The following DPP10 variants were observed in gnomAD, a reference collection of about 807,000 sequenced individuals.
The protein encoded by DPP10 is dipeptidyl peptidase like 10, also known as inactive dipeptidyl peptidase 10.
In DPP10, 33 loss-of-function variants were observed where a neutral mutation model predicts 120.9. The ratio of observed to expected loss-of-function variants is 0.27; its 90% CI spans 0.21 to 0.37. The LOEUF (loss-of-function observed/expected upper bound fraction) is 0.37, where lower values mean the gene tolerates loss of function less well. Ranked by LOEUF, DPP10 falls within the 10% of genes least tolerant of loss-of-function variation. The pLI is 1.00. For synonymous variants in DPP10, 337 were observed against 326.1 expected (o/e 1.03, Z -0.36); for missense variants, 816 against 942.8 (o/e 0.87, Z 1.76).
At chr2:115,166,932 G>A (rs2052919791) in intron 1 of DPP10, among the ~76,000 whole-genome samples, 1 of 152,114 alleles carries the variant, frequency 6.6e-6, no homozygotes, top group Admixed American at 6.6e-5. Context: ...GTGACATGTA[G>A]CAGACACAAT....
chr2:114,497,465 T>C (rs1682778976), intron 1 of DPP10, among the ~76,000 whole-genome samples: 1 of 136,370 alleles, frequency 7.3e-6, no homozygotes, highest in Non-Finnish European at 1.5e-5. Flanking sequence ...ATTTTATAGA[T>C]GCATCTAAGA....
intron 1 of DPP10, among the ~76,000 whole-genome samples, chr2:115,258,915 G>T (rs2059127881): frequency 1.3e-5 from 2 of 152,084 alleles, no homozygotes; most frequent in Non-Finnish European, 2.9e-5. Flanking sequence ...ATAAATAATT[G>T]TGCTTACATA....
In DPP10 at chr2:115,642,672, C is replaced by T. The variant is rs1340292673; in HGVS notation, c.442-47015C>T. ...TTTCCCTATCTCTCTATCTCTCTCT[C>T]TCCCTCTCAGTATCTCATACACACA... On this transcript the variant is annotated intron_variant, in intron 5 of 25. Transcript: ENST00000410059. Among the ~76,000 whole-genome samples, 6 of 152,188 alleles carry T rather than the reference C, an allele frequency of 3.9e-5. No homozygotes were observed. The East Asian group carries it at 1.2e-3, about 29-fold the overall frequency.
At chr2:114,555,442 T>A (rs2104901901) in intron 1 of DPP10, among the ~76,000 whole-genome samples, 1 of 152,296 alleles carries the variant, frequency 6.6e-6, no homozygotes, top group Non-Finnish European at 1.5e-5. Context: ...TCAATACATT[T>A]CAGTTGCTGA....
At chr2:114,953,333 A>T (rs1697934861) in intron 1 of DPP10, among the ~76,000 whole-genome samples, 1 of 152,100 alleles carries the variant, frequency 6.6e-6, no homozygotes, top group Non-Finnish European at 1.5e-5. Context: ...TGAAGTTGTA[A>T]TTTTAAATGG....
chr2:115,342,249 AGTATAGTG>A, intron 2 of DPP10: 1 of 424,844 alleles, frequency 2.4e-6, no homozygotes, highest in Non-Finnish European at 4.7e-6. Flanking sequence ...CCCAGGCTGG[AGTATAGTG>A]GTGCAGTGGT....
chr2:115,809,008 A>G (rs1409295743), intron 19 of DPP10, among the ~76,000 whole-genome samples: 1 of 152,198 alleles, frequency 6.6e-6, no homozygotes, highest in African/African-American at 2.4e-5. Flanking sequence ...TAAATAAACT[A>G]GGGTGAGGAA....
At chr2:115,771,764 T>C (rs531898911) in intron 13 of DPP10, among the ~76,000 whole-genome samples, 30 of 152,284 alleles carry the variant, frequency 2.0e-4, no homozygotes, top group African/African-American at 7.0e-4. Context: ...CAGGTCACCT[T>C]TGCAGTACTT....
chr2:115,684,968 C>T lies in DPP10; in HGVS notation c.442-4719C>T, dbSNP rs183094320. On this transcript the variant is annotated intron_variant, in intron 5 of 25. Transcript: ENST00000410059. Reference sequence around the variant, plus strand: ...AATCATTTGCAAAGGTAGAGTCGTGCTTCATGTACTAGCTCCCTGAAAGGT... The same window carrying T: ...AATCATTTGCAAAGGTAGAGTCGTGTTTCATGTACTAGCTCCCTGAAAGGT... Among the ~76,000 whole-genome samples the T allele has an allele frequency of 1.6e-3, 250 of 151,986 alleles. 1 individual carries two copies. Among genetic ancestry groups the T allele is most frequent in the Middle Eastern group, 3.4e-3 (1 of 294 alleles).
intron 1 of DPP10, among the ~76,000 whole-genome samples, chr2:114,484,626 T>TA (rs1436070584): frequency 6.6e-6 from 1 of 152,134 alleles, no homozygotes; most frequent in Non-Finnish European, 1.5e-5. Context: ...GGCCAAGGTC[T>TA]AGCAGCAGTG....
At chr2:114,535,092 C>CA (rs5833550) in intron 1 of DPP10, among the ~76,000 whole-genome samples, 44,383 of 151,170 alleles carry the variant, frequency 0.29, 7,159 homozygotes, top group African/African-American at 0.43. Flanking sequence ...TTTGTTTCTA[C>CA]AAAAAAAAAC....
At chr2:115,455,992 C>T (rs541940976) in intron 3 of DPP10, among the ~76,000 whole-genome samples, 1 of 152,144 alleles carries the variant, frequency 6.6e-6, no homozygotes, top group Non-Finnish European at 1.5e-5. Flanking sequence ...TAAAGAGTTT[C>T]TGCACAGCAA....
intron 1 of DPP10, among the ~76,000 whole-genome samples, chr2:114,764,779 G>T (rs1006660960): frequency 6.6e-6 from 1 of 152,108 alleles, no homozygotes; most frequent in African/African-American, 2.4e-5. Flanking sequence ...GATTGAGTGG[G>T]AAAGTGTTTC....
chr2:114,653,896 G>A (rs1573893847), intron 1 of DPP10, among the ~76,000 whole-genome samples: 2 of 152,216 alleles, frequency 1.3e-5, no homozygotes, highest in South Asian at 4.2e-4. Flanking sequence ...TGTAGTGAAT[G>A]CTATCACTTT....
At chr2:114,978,726 A>C (rs1656849591) in intron 1 of DPP10, among the ~76,000 whole-genome samples, 1 of 152,180 alleles carries the variant, frequency 6.6e-6, no homozygotes, top group Non-Finnish European at 1.5e-5. Flanking sequence ...CAAATAAAAA[A>C]TGACACTAAT....
chr2:115,689,237 A>G (rs1437029515), intron 5 of DPP10, among the ~76,000 whole-genome samples: 1 of 152,156 alleles, frequency 6.6e-6, no homozygotes, highest in Non-Finnish European at 1.5e-5. Context: ...TTAAGGTAGA[A>G]TGTCCTTGGG....
rs963647058 is a variant in DPP10 at position 115,268,790 on chromosome 2, T to G, written c.61-40449T>G. The stretch of plus-strand genomic sequence containing the variant: ...TTAGATATAAGACCAAGACACTTTC[T>G]TTACCGTTATATCTGCTAGATTTTT... On this transcript the variant is annotated intron_variant, in intron 1 of 25. Coordinates refer to ENST00000410059, the MANE Select transcript of DPP10 (RefSeq NM_020868.6). 3.3e-5 allele frequency among the ~76,000 whole-genome samples: 5 copies of G among 152,242 alleles called. No homozygotes were observed. In the South Asian group the frequency reaches 6.2e-4, roughly 19 times the overall value.
intron 1 of DPP10, among the ~76,000 whole-genome samples, chr2:114,847,638 A>C (rs139931040): frequency 6.6e-6 from 1 of 152,294 alleles, no homozygotes; most frequent in Non-Finnish European, 1.5e-5. Flanking sequence ...GTGTATCTAG[A>C]GACAGCCTTT....
intron 21 of DPP10, among the ~76,000 whole-genome samples, chr2:115,820,837 A>G (rs7584668): frequency 1.7e-4 from 15 of 90,308 alleles, no homozygotes; most frequent in African/African-American, 3.1e-4. Flanking sequence ...GTGTGTGTGT[A>G]TCTCACAATT....
Sources: gnomAD v4.1 joint callset for allele counts (sites outside exome capture counted in the v4.1 genomes callset) on GRCh38, gnomAD v4.1.1 for gene constraint, MANE v1.5 for transcripts, NCBI Gene and HGNC (gene_info 2026-07-23, HGNC 2026-07-21) for gene names.